ZZEF1: variants seen among roughly 807,000 people sequenced by gnomAD.
ZZEF1 encodes zinc finger ZZ-type and EF-hand domain-containing protein 1.
A neutral mutation model predicts 342.8 loss-of-function variants in ZZEF1; 157 were observed. That is an observed-to-expected ratio of 0.46 (90% CI 0.40 to 0.52). The LOEUF is 0.52. Ranked by LOEUF, ZZEF1 falls within the 20% of genes least tolerant of loss-of-function variation. The pLI, the probability that ZZEF1 is intolerant of heterozygous loss-of-function variation, is 0.00. For missense variants in ZZEF1, 3,480 were observed against 3,725.6 expected (o/e 0.93, Z 1.72); for synonymous variants, 1,505 against 1,429.1 (o/e 1.05, Z -1.20).
Position 4,057,746 on chromosome 17 carries a change from A to G in ZZEF1, c.5165+248T>C, listed in dbSNP as rs529762571. Among the ~76,000 whole-genome samples the G allele has an allele frequency of 3.5e-4, 53 of 152,328 alleles. 2 individuals are homozygous for G. In the South Asian group the frequency reaches 5.8e-3, roughly 17 times the overall value. ...GACGCGGTTCTAAACACTGAAATAC[A>G]TAACTCAGGTACTCATCACAACAAG... On this transcript the variant is annotated intron_variant, in intron 32 of 54. Transcript: ENST00000381638.
At chr17:4,141,720 G>GA (rs11295221) in intron 1 of ZZEF1, among the ~76,000 whole-genome samples, 9 of 146,694 alleles carry the variant, frequency 6.1e-5, no homozygotes, top group African/African-American at 2.0e-4. Flanking sequence ...TTGAAAGAAA[G>GA]AAAAAAAAAA....
intron 9 of ZZEF1, among the ~76,000 whole-genome samples, chr17:4,101,618 C>A (rs558535450): frequency 6.6e-6 from 1 of 151,952 alleles, no homozygotes; most frequent in African/African-American, 2.4e-5. Flanking sequence ...TCTGGAAATA[C>A]CCTTCTTTGT....
At chr17:4,096,008 T>C (rs2058027189) in intron 10 of ZZEF1, 29 bp from the exon 11 acceptor site, 1 of 1,574,352 alleles carries the variant, frequency 6.4e-7, no homozygotes, top group Admixed American at 1.8e-5. Flanking sequence ...ATGAAGTCTA[T>C]CAAAGGGGCA....
chr17:4,056,184 CA>C, intron 33 of ZZEF1, 31 bp downstream of exon 33: 6 of 1,493,434 alleles, frequency 4.0e-6, no homozygotes, highest in Non-Finnish European at 5.4e-6. Context: ...CCTAGCAAAT[CA>C]CTTCAGAGTA....
At chr17:4,107,687 A>G (rs1348514074) in intron 6 of ZZEF1, among the ~76,000 whole-genome samples, 1 of 152,246 alleles carries the variant, frequency 6.6e-6, no homozygotes, top group East Asian at 1.9e-4. Flanking sequence ...GAACTGAGTA[A>G]GTACAAAAAA....
chr17:4,072,813 C>T (rs915714564), intron 24 of ZZEF1, 57 bp from the exon 25 acceptor site: 2 of 1,481,260 alleles, frequency 1.4e-6, no homozygotes, highest in African/African-American at 1.4e-5. Context: ...TATTGAGAAT[C>T]TTTGAAATGA....
Position 4,064,468 on chromosome 17 carries a change from G to A in ZZEF1, c.4611C>T (p.Ser1537=). The A allele has an allele frequency of 1.2e-6, 2 of 1,614,194 alleles. No homozygotes were observed. The highest frequency in any genetic ancestry group is 1.7e-6 in the Non-Finnish European group (2 of 1,180,040). ...PFTRGRLRLL[S]FRSMEEARLV... ...GTCTGGCCTCCTCCATGGATCGAAA[G>A]GAGAGCAGCCGGAGTCGCCCTCGGG... Residue 1537 remains serine (S), a synonymous_variant, in exon 29 of 55, where the codon TCC becomes TCT. Coordinates refer to ENST00000381638, the MANE Select transcript of ZZEF1 (RefSeq NM_015113.4).
intron 2 of ZZEF1, among the ~76,000 whole-genome samples, chr17:4,121,958 C>T (rs974330427): frequency 6.6e-6 from 1 of 152,098 alleles, no homozygotes; most frequent in African/African-American, 2.4e-5. Flanking sequence ...CTCAAGCAAT[C>T]CTTCCACTTC....
At chr17:4,132,437 G>A (rs1445707053) in intron 1 of ZZEF1, among the ~76,000 whole-genome samples, 8 of 152,142 alleles carry the variant, frequency 5.3e-5, no homozygotes, top group South Asian at 2.1e-4. Context: ...ACCTGCCTCC[G>A]CCTGTAATCC....
At chr17:4,082,409 C>T (rs375103950) in intron 17 of ZZEF1, 28 bp downstream of exon 17, 12 of 1,610,666 alleles carry the variant, frequency 7.5e-6, no homozygotes, top group Admixed American at 3.3e-5. Context: ...TTGAGTTATC[C>T]GACAATTAAA....
intron 35 of ZZEF1, 43 bp downstream of exon 35, chr17:4,051,928 G>A (rs750697002): frequency 8.3e-6 from 13 of 1,564,894 alleles, no homozygotes; most frequent in Middle Eastern, 1.7e-4. Flanking sequence ...GTGAAGGAAC[G>A]TGTAAATAAA....
intron 11 of ZZEF1, among the ~76,000 whole-genome samples, chr17:4,094,013 C>T (rs1000351236): frequency 1.3e-5 from 2 of 152,172 alleles, no homozygotes; most frequent in African/African-American, 4.8e-5. Flanking sequence ...GAGGCCCTGG[C>T]TTTCCTGCTG....
At chr17:4,013,701 G>C in intron 51 of ZZEF1, 87 bp from the exon 52 acceptor site, 2 of 1,352,524 alleles carry the variant, frequency 1.5e-6, no homozygotes, top group South Asian at 3.6e-5. Context: ...AATTGTGTAC[G>C]TTAAGAATTC....
chr17:4,073,625 G>GA (rs1306499835), intron 24 of ZZEF1, among the ~76,000 whole-genome samples: 1 of 152,022 alleles, frequency 6.6e-6, no homozygotes, highest in Non-Finnish European at 1.5e-5. Flanking sequence ...TTTTGGTAAA[G>GA]ATAGGGATCT....
Position 4,024,787 on chromosome 17 carries a change from C to T in ZZEF1, c.7092+132G>A, listed in dbSNP as rs142306944. The T allele has an allele frequency of 9.5e-5, 83 of 878,172 alleles. 1 individual carries two copies. The African/African-American group carries it at 9.9e-4, about 10-fold the overall frequency. 54.4% of individuals were successfully genotyped at this position (878,172 alleles called of 1,614,324 possible). A position where few individuals can be genotyped will look rare whatever the true frequency, so the allele number is the denominator to read the frequency against. ...AAGTTATCTGTGTGTAAGGCCCACGCGTTTCTAAAAATAATCAAGATCCTA... is the reference window on the plus strand; with the variant it reads ...AAGTTATCTGTGTGTAAGGCCCACGTGTTTCTAAAAATAATCAAGATCCTA... On this transcript the variant is annotated intron_variant, in intron 43 of 54. Transcript: ENST00000381638.
chr17:4,018,002 AAC>A, intron 46 of ZZEF1, 31 bp from the exon 47 acceptor site: 1 of 1,610,772 alleles, frequency 6.2e-7, no homozygotes, highest in East Asian at 2.2e-5. Flanking sequence ...GTTGAGTACC[AAC>A]AGTGTAGACA....
At chr17:4,071,935 T>A (rs182144726) in intron 25 of ZZEF1, among the ~76,000 whole-genome samples, 17 of 151,868 alleles carry the variant, frequency 1.1e-4, no homozygotes, top group Admixed American at 1.1e-3. Context: ...AAAGCCTGAA[T>A]AAAGCCTACC....
intron 52 of ZZEF1, among the ~76,000 whole-genome samples, 154 bp from the exon 53 acceptor site, chr17:4,009,911 G>A (rs2055902145): frequency 1.3e-5 from 2 of 152,280 alleles, no homozygotes; most frequent in African/African-American, 4.8e-5. Flanking sequence ...CCACAAAGCA[G>A]CCACGAATAG....
intron 3 of ZZEF1, among the ~76,000 whole-genome samples, chr17:4,116,200 T>C (rs1302901713): frequency 6.6e-6 from 1 of 152,164 alleles, no homozygotes; most frequent in Non-Finnish European, 1.5e-5. Flanking sequence ...ATGCCTGTAA[T>C]CCCAGCTACT....
Sources: gnomAD v4.1 joint callset for allele counts (sites outside exome capture counted in the v4.1 genomes callset) on GRCh38, gnomAD v4.1.1 for gene constraint, MANE v1.5 for transcripts, NCBI Gene and HGNC (gene_info 2026-07-23, HGNC 2026-07-21) for gene names.